NCAM2: variants seen among roughly 807,000 people sequenced by gnomAD.
NCAM2 encodes neural cell adhesion molecule 2.
A neutral mutation model predicts 98.1 loss-of-function variants in NCAM2; 30 were observed. The ratio of observed to expected loss-of-function variants is 0.31; its 90% CI spans 0.23 to 0.41. NCAM2 has a LOEUF of 0.41. NCAM2 is among the 10% of genes least tolerant of loss of function. The pLI is 1.00. For missense variants in NCAM2, 867 were observed against 1,005.8 expected, an observed-to-expected ratio of 0.86 and a Z score of 1.87; for synonymous variants, 368 against 342.4, an observed-to-expected ratio of 1.07 and a Z score of -0.83.
At chr21:21,071,528 C>A (rs1456197864) in intron 1 of NCAM2, among the ~76,000 whole-genome samples, 1 of 152,120 alleles carries the variant, frequency 6.6e-6, no homozygotes, top group African/African-American at 2.4e-5. Context: ...TTAAGATTTT[C>A]ATGCCTTTAA....
chr21:21,243,591 G>A (rs62209191), intron 1 of NCAM2, among the ~76,000 whole-genome samples: 3,472 of 152,212 alleles, frequency 0.023, 60 homozygotes, highest in Admixed American at 0.044. Context: ...ATGACACCTG[G>A]TTCTGATAGT....
chr21:21,241,374 G>T (rs1237869236), intron 1 of NCAM2, among the ~76,000 whole-genome samples: 2 of 151,980 alleles, frequency 1.3e-5, no homozygotes, highest in African/African-American at 4.8e-5. Flanking sequence ...GTTTATATAG[G>T]CTGGGTCTTT....
At chr21:21,264,992 ATGTG>A (rs1229026226) in intron 1 of NCAM2, among the ~76,000 whole-genome samples, 9 of 1,028 alleles carry the variant, frequency 8.8e-3, no homozygotes, top group Non-Finnish European at 0.017. Flanking sequence ...ATATATGTGT[ATGTG>A]TATATATACA....
At chr21:21,075,176 G>A (rs749114738) in intron 1 of NCAM2, among the ~76,000 whole-genome samples, 10 of 152,072 alleles carry the variant, frequency 6.6e-5, no homozygotes, top group Admixed American at 5.2e-4. Flanking sequence ...ATCACACACC[G>A]GGGCTTGTTG....
intron 16 of NCAM2, among the ~76,000 whole-genome samples, chr21:21,524,204 C>T (rs372795386): frequency 6.6e-5 from 10 of 151,952 alleles, no homozygotes; most frequent in South Asian, 4.2e-4. Context: ...GGTTTCTAAA[C>T]GGGTATTACC....
At chr21:21,034,050 A>C (rs558685635) in intron 1 of NCAM2, among the ~76,000 whole-genome samples, 48 of 144,768 alleles carry the variant, frequency 3.3e-4, no homozygotes, top group African/African-American at 1.2e-3. Flanking sequence ...AGAGATAGGC[A>C]AAGGGGGGGG....
chr21:21,515,415 A>C (rs1988654623), intron 16 of NCAM2, among the ~76,000 whole-genome samples: 1 of 152,168 alleles, frequency 6.6e-6, no homozygotes, highest in African/African-American at 2.4e-5. Flanking sequence ...TTTTTTAAAA[A>C]ATGTTTCTAC....
intron 1 of NCAM2, among the ~76,000 whole-genome samples, chr21:21,248,920 G>A (rs74444557): frequency 6.6e-6 from 1 of 151,198 alleles, no homozygotes; most frequent in East Asian, 2.0e-4. Flanking sequence ...TTAACCTATT[G>A]GGTTAACAGT....
chr21:21,166,498 G>T (rs977296283), intron 1 of NCAM2, among the ~76,000 whole-genome samples: 1 of 139,210 alleles, frequency 7.2e-6, no homozygotes, highest in African/African-American at 2.5e-5. Flanking sequence ...GAGCCACCGC[G>T]CCTGGCCTGG....
intron 1 of NCAM2, among the ~76,000 whole-genome samples, chr21:21,056,652 C>G (rs1354644984): frequency 6.6e-6 from 1 of 151,832 alleles, no homozygotes; most frequent in Non-Finnish European, 1.5e-5. Context: ...TGACATGGCT[C>G]TCCAGAAGTC....
At chr21:21,031,569 C>T (rs1034912613) in intron 1 of NCAM2, among the ~76,000 whole-genome samples, 1 of 152,056 alleles carries the variant, frequency 6.6e-6, no homozygotes, top group Non-Finnish European at 1.5e-5. Context: ...TTGGTGTGAT[C>T]TACACCATCT....
intron 6 of NCAM2, 95 bp from the exon 7 acceptor site, chr21:21,335,410 T>C: frequency 1.0e-6 from 1 of 957,972 alleles, no homozygotes; most frequent in Non-Finnish European, 1.5e-6. Context: ...ATGATAGCCA[T>C]ATAGTCATCA....
intron 10 of NCAM2, among the ~76,000 whole-genome samples, chr21:21,417,155 A>C (rs369145936): frequency 6.6e-6 from 1 of 152,010 alleles, no homozygotes; most frequent in African/African-American, 2.4e-5. Context: ...CATTATATTG[A>C]TTCAATAAAC....
chr21:21,332,148 C>T (rs1208051790), intron 6 of NCAM2, among the ~76,000 whole-genome samples: 1 of 151,552 alleles, frequency 6.6e-6, no homozygotes, highest in Non-Finnish European at 1.5e-5. Flanking sequence ...TGTGATCTGC[C>T]CTGCCCGCCT....
chr21:21,226,913 T>A (rs1251830205), intron 1 of NCAM2: 2 of 151,988 alleles, frequency 1.3e-5, no homozygotes, highest in Non-Finnish European at 2.9e-5. Context: ...AGGAAAAATA[T>A]ACATATGATT....
chr21:21,221,843 A>G (rs1259283757), intron 1 of NCAM2, among the ~76,000 whole-genome samples: 1 of 152,162 alleles, frequency 6.6e-6, no homozygotes, highest in Non-Finnish European at 1.5e-5. Context: ...AGGTGAAATA[A>G]CATTCTATTG....
At chr21:21,517,415 A>G (rs1988771973) in intron 16 of NCAM2, among the ~76,000 whole-genome samples, 5 of 152,186 alleles carry the variant, frequency 3.3e-5, no homozygotes, top group Admixed American at 3.3e-4. Flanking sequence ...TCTGTCACAT[A>G]TAAGAAGACA....
intron 1 of NCAM2, among the ~76,000 whole-genome samples, chr21:21,045,487 A>C (rs1661771068): frequency 6.6e-6 from 1 of 152,058 alleles, no homozygotes; most frequent in Non-Finnish European, 1.5e-5. Context: ...TCTACAACAA[A>C]ATTTATAAAA....
intron 1 of NCAM2, among the ~76,000 whole-genome samples, chr21:21,159,344 T>A (rs1262482201): frequency 1.3e-5 from 2 of 152,174 alleles, no homozygotes; most frequent in Non-Finnish European, 2.9e-5. Context: ...ACCATGTTTA[T>A]AAAGTCTGCA....
Sources: allele counts gnomAD v4.1 joint callset (sites outside exome capture counted in the v4.1 genomes callset), GRCh38; gene constraint gnomAD v4.1.1; transcripts MANE v1.5; gene names NCBI Gene and HGNC (gene_info 2026-07-23, HGNC 2026-07-21).